The following LRMDA variants were observed in gnomAD, a reference collection of about 807,000 sequenced individuals.
LRMDA encodes leucine rich melanocyte differentiation associated.
In LRMDA, 18 loss-of-function variants were observed where a neutral mutation model predicts 29.8. The ratio of observed to expected loss-of-function variants is 0.60; its 90% CI spans 0.42 to 0.90. The LOEUF (loss-of-function observed/expected upper bound fraction) is 0.90. Ranked by LOEUF, LRMDA falls within the 40% of genes least tolerant of loss-of-function variation. LRMDA has a pLI of 0.00. For synonymous variants in LRMDA, 125 were observed against 109.4 expected (o/e 1.14, Z -0.89); for missense variants, 273 against 273.9 (o/e 1.00, Z 0.02).
chr10:75,888,704 G>A (rs1366286875), intron 2 of LRMDA, among the ~76,000 whole-genome samples: 1 of 152,126 alleles, frequency 6.6e-6, no homozygotes, highest in Non-Finnish European at 1.5e-5. Context: ...AATTACTTCT[G>A]CATGATGACA....
At chr10:76,040,977 C>T (rs1848330811) in intron 3 of LRMDA, among the ~76,000 whole-genome samples, 1 of 152,206 alleles carries the variant, frequency 6.6e-6, no homozygotes, top group Admixed American at 6.5e-5. Flanking sequence ...CTGGAGTTCC[C>T]ATAGCCATTT....
intron 6 of LRMDA, among the ~76,000 whole-genome samples, chr10:76,452,701 G>A (rs1385986163): frequency 6.6e-6 from 1 of 152,158 alleles, no homozygotes; most frequent in East Asian, 1.9e-4. Context: ...AAGTGTTATT[G>A]GAAGGCCCTG....
chr10:76,292,735 G>A (rs1035282366), intron 5 of LRMDA, among the ~76,000 whole-genome samples: 4 of 151,814 alleles, frequency 2.6e-5, no homozygotes, highest in Non-Finnish European at 5.9e-5. Context: ...TTGGGCTGAT[G>A]TTACACAGGC....
chr10:75,979,155 G>T (rs1387542395), intron 2 of LRMDA, among the ~76,000 whole-genome samples: 3 of 152,244 alleles, frequency 2.0e-5, no homozygotes, highest in East Asian at 3.9e-4. Context: ...ATTAGTCATT[G>T]TTCTTATTGT....
chr10:76,549,754 C>T (rs1047589946), intron 6 of LRMDA, among the ~76,000 whole-genome samples: 6 of 151,946 alleles, frequency 3.9e-5, no homozygotes, highest in African/African-American at 1.2e-4. Context: ...TAATCCTGCA[C>T]GTAATATAAT....
At chr10:75,519,158 G>A (rs1424532367) in intron 2 of LRMDA, among the ~76,000 whole-genome samples, 3 of 152,198 alleles carry the variant, frequency 2.0e-5, no homozygotes, top group Non-Finnish European at 4.4e-5. Context: ...ATGATGTGGT[G>A]CTGAGAAGAG....
At chr10:75,540,928 C>T (rs887439844) in intron 2 of LRMDA, among the ~76,000 whole-genome samples, 28 of 151,470 alleles carry the variant, frequency 1.8e-4, no homozygotes, top group Non-Finnish European at 3.7e-4. Context: ...AAACTCATTG[C>T]TTTTACAGGA....
At chr10:76,242,820 A>G (rs1852301391) in intron 5 of LRMDA, among the ~76,000 whole-genome samples, 1 of 152,178 alleles carries the variant, frequency 6.6e-6, no homozygotes, top group African/African-American at 2.4e-5. Context: ...GTTGTCCTAC[A>G]TCTTGACATA....
chr10:75,499,579 G>A (rs1026739616), intron 2 of LRMDA, among the ~76,000 whole-genome samples: 1 of 152,214 alleles, frequency 6.6e-6, no homozygotes, highest in African/African-American at 2.4e-5. Context: ...CTGGCAAAAA[G>A]CAAATGCTCA....
chr10:75,794,730 A>G (rs1300220544), intron 2 of LRMDA, among the ~76,000 whole-genome samples: 5 of 152,332 alleles, frequency 3.3e-5, no homozygotes, highest in Middle Eastern at 6.8e-3. Flanking sequence ...TGCCATTTGT[A>G]TATCAACTTT....
chr10:76,425,306 C>T (rs1421185502), intron 6 of LRMDA, among the ~76,000 whole-genome samples: 3 of 152,042 alleles, frequency 2.0e-5, no homozygotes, highest in Non-Finnish European at 4.4e-5. Flanking sequence ...TGTTTGAGTT[C>T]CTAGAGTATT....
At position 75,548,888 on chromosome 10, in the gene LRMDA, A is replaced by G. The variant is rs548984602; in HGVS notation, c.131+110394A>G. ...AAGTCTTTTCCAGGAAGGTTAGTCAAGACCTATGCTGATCTGACCATGTTA... is the reference window on the plus strand; with the variant it reads ...AAGTCTTTTCCAGGAAGGTTAGTCAGGACCTATGCTGATCTGACCATGTTA... On this transcript the variant is annotated intron_variant, in intron 2 of 6. Transcript: ENST00000611255. 2.0e-5 allele frequency among the ~76,000 whole-genome samples: 3 copies of G among 152,242 alleles called. No individual in the cohort carries two copies. The South Asian group carries it at 6.2e-4, about 32-fold the overall frequency.
At chr10:75,955,341 A>C (rs927948494) in intron 2 of LRMDA, among the ~76,000 whole-genome samples, 2 of 152,218 alleles carry the variant, frequency 1.3e-5, no homozygotes. Flanking sequence ...TGCTCCACAA[A>C]CATTTACTGC....
At chr10:75,748,518 G>T (rs942457844) in intron 2 of LRMDA, among the ~76,000 whole-genome samples, 1 of 151,930 alleles carries the variant, frequency 6.6e-6, no homozygotes, top group African/African-American at 2.4e-5. Flanking sequence ...TCCAATTATA[G>T]AAATTTCTAC....
chr10:76,109,935 T>C (rs1316085575), intron 5 of LRMDA, among the ~76,000 whole-genome samples: 1 of 152,136 alleles, frequency 6.6e-6, no homozygotes, highest in African/African-American at 2.4e-5. Flanking sequence ...TTGAAACACC[T>C]TGGGACTCAG....
chr10:76,389,934 T>G (rs1363755365), intron 6 of LRMDA, among the ~76,000 whole-genome samples: 1 of 152,192 alleles, frequency 6.6e-6, no homozygotes, highest in African/African-American at 2.4e-5. Flanking sequence ...TGTACATGGA[T>G]GTACAAATGC....
At chr10:76,504,698 G>T (rs75284046) in intron 6 of LRMDA, among the ~76,000 whole-genome samples, 1 of 151,928 alleles carries the variant, frequency 6.6e-6, no homozygotes, top group African/African-American at 2.4e-5. Flanking sequence ...ATGTCATTAC[G>T]TATGAGATGG....
chr10:75,624,819 G>A (rs1841231078), intron 2 of LRMDA, among the ~76,000 whole-genome samples: 1 of 152,130 alleles, frequency 6.6e-6, no homozygotes, highest in Non-Finnish European at 1.5e-5. Flanking sequence ...ATTGCTTTCA[G>A]TTCAGTGGAG....
intron 2 of LRMDA, among the ~76,000 whole-genome samples, chr10:75,777,824 G>A (rs1320862663): frequency 2.0e-5 from 3 of 152,130 alleles, no homozygotes; most frequent in Non-Finnish European, 4.4e-5. Context: ...TTAATATATA[G>A]GATAGTGTCC....
Sources: gnomAD v4.1 joint callset for allele counts (sites outside exome capture counted in the v4.1 genomes callset) on GRCh38, gnomAD v4.1.1 for gene constraint, MANE v1.5 for transcripts, NCBI Gene and HGNC (gene_info 2026-07-23, HGNC 2026-07-21) for gene names.